The following ROPN1B variants were observed in gnomAD, a reference collection of about 807,000 sequenced individuals.
ROPN1B encodes the protein ropporin-1B.
Under a neutral mutation model 23.7 loss-of-function variants are expected in ROPN1B, and 13 were observed. The ratio of observed to expected loss-of-function variants is 0.55; its 90% CI spans 0.36 to 0.87. ROPN1B has a LOEUF of 0.87. Ranked by LOEUF, ROPN1B falls within the 40% of genes least tolerant of loss-of-function variation. The pLI is 0.01. For missense variants in ROPN1B, 183 were observed against 249.2 expected, an observed-to-expected ratio of 0.73 and a Z score of 1.79; for synonymous variants, 67 against 100.4, an observed-to-expected ratio of 0.67 and a Z score of 1.99.
intron 2 of ROPN1B, 101 bp from the exon 3 acceptor site, chr3:125,971,942 A>G (rs1223155112): frequency 1.1e-5 from 12 of 1,111,118 alleles, no homozygotes; most frequent in Non-Finnish European, 1.4e-5. Flanking sequence ...GGAGTCCCCA[A>G]AATTGAGTGT....
chr3:125,971,436 G>C lies in ROPN1B; in HGVS notation c.-13+274G>C, dbSNP rs188860119. On this transcript the variant is annotated intron_variant, in intron 2 of 6. Coordinates refer to ENST00000514116, the MANE Select transcript of ROPN1B (RefSeq NM_001308313.2). Reference sequence around the variant, plus strand: ...TATATTTTATGGATGTTCATGTTTTGTTTCAATTTGTCCTGGAACTTTTTG... The same window carrying C: ...TATATTTTATGGATGTTCATGTTTTCTTTCAATTTGTCCTGGAACTTTTTG... Among the ~76,000 whole-genome samples, 90 of 152,306 alleles carry C rather than the reference G, an allele frequency of 5.9e-4. 1 individual carries two copies. In the East Asian group the frequency reaches 0.017, roughly 28 times the overall value.
intron 5 of ROPN1B, among the ~76,000 whole-genome samples, chr3:125,978,260 A>AT (rs1423408962): frequency 6.9e-6 from 1 of 145,156 alleles, no homozygotes; most frequent in Admixed American, 6.9e-5. Flanking sequence ...AAACGGGAAG[A>AT]TAAAAAAATG....
rs762223089 is a variant in ROPN1B at position 125,982,336 on chromosome 3, C to T, written c.463C>T (p.Arg155Ter). 2.5e-5 allele frequency: 40 copies of T among 1,613,212 alleles called. No homozygotes were observed. The highest frequency in any genetic ancestry group is 3.2e-5 in the Non-Finnish European group (38 of 1,179,670). ...ATGTGACCACAATGGTGGGTTGCCCCGAATCCCATTCAGCACCTTCCAGTT... is the reference window on the plus strand; with the variant it reads ...ATGTGACCACAATGGTGGGTTGCCCTGAATCCCATTCAGCACCTTCCAGTT... ...LSCDHNGGLP[R>*]IPFSTFQFLY... Residue 155 changes from arginine to a stop codon, truncating the protein, a stop_gained, in exon 6 of 7, where the codon CGA becomes TGA. Coordinates refer to ENST00000514116, the MANE Select transcript of ROPN1B (RefSeq NM_001308313.2). LOFTEE classifies it high-confidence loss of function.
At chr3:125,970,244 A>C (rs1938148522) in intron 1 of ROPN1B, 2 of 152,186 alleles carry the variant, frequency 1.3e-5, no homozygotes, top group African/African-American at 4.8e-5. Flanking sequence ...CAACCTGTTA[A>C]GAGGAGGAGA....
intron 3 of ROPN1B, among the ~76,000 whole-genome samples, chr3:125,974,795 T>G (rs1419691143): frequency 6.6e-6 from 1 of 152,222 alleles, no homozygotes; most frequent in African/African-American, 2.4e-5. Context: ...GAAACAGTTT[T>G]ATTTTACAGG....
chr3:125,981,232 C>T (rs1031805118), intron 5 of ROPN1B, among the ~76,000 whole-genome samples: 1 of 152,186 alleles, frequency 6.6e-6, no homozygotes, highest in Non-Finnish European at 1.5e-5. Context: ...CTGACATAGA[C>T]TTATGCTCCT....
chr3:125,972,173 A>T lies in ROPN1B; in HGVS notation c.116+3A>T, dbSNP rs948116331. ...GACCTCATCCAGTGGGGGGCCGAGT[A>T]CGTGCTCCTTTCTCGCCTTCATCTC... is the stretch of plus-strand genomic sequence containing the variant. On this transcript the variant is annotated splice_donor_region_variant and intron_variant, in intron 3 of 6. Transcript: ENST00000514116. The T allele has an allele frequency of 6.2e-7, 1 of 1,614,144 alleles. No individual in the cohort carries two copies. Among genetic ancestry groups the T allele is most frequent in the Non-Finnish European group, 8.5e-7 (1 of 1,179,972 alleles).
chr3:125,975,105 A>G (rs1333842436), intron 3 of ROPN1B, among the ~76,000 whole-genome samples: 1 of 152,140 alleles, frequency 6.6e-6, no homozygotes, highest in East Asian at 1.9e-4. Context: ...CAGGCTCTGC[A>G]GTTGCCAGAT....
At chr3:125,971,931 C>A (rs1938221729) in intron 2 of ROPN1B, 112 bp from the exon 3 acceptor site, 3 of 893,558 alleles carry the variant, frequency 3.4e-6, no homozygotes, top group Admixed American at 2.9e-5. Context: ...ATTTGTCTTG[C>A]GGAGTCCCCA....
At chr3:125,972,198 C>T (rs939361272) in intron 3 of ROPN1B, 28 bp downstream of exon 3, 1 of 1,609,974 alleles carries the variant, frequency 6.2e-7, no homozygotes, top group East Asian at 2.2e-5. Flanking sequence ...GCCTTCATCT[C>T]TTGGAGGACG....
intron 5 of ROPN1B, among the ~76,000 whole-genome samples, chr3:125,980,346 AGTTT>A (rs1185094678): frequency 6.6e-6 from 1 of 152,216 alleles, no homozygotes; most frequent in Non-Finnish European, 1.5e-5. Context: ...CCCCTATGTT[AGTTT>A]GTTAGGGCTG....
intron 5 of ROPN1B, among the ~76,000 whole-genome samples, chr3:125,980,401 T>C (rs1165387634): frequency 6.6e-6 from 1 of 152,198 alleles, no homozygotes; most frequent in Non-Finnish European, 1.5e-5. Context: ...TTGTTGTCTC[T>C]CAGTTCTGGA....
At position 125,982,257 on chromosome 3, in the gene ROPN1B, G is replaced by A. The variant is rs778804780; in HGVS notation, c.397-13G>A. Reference sequence around the variant, plus strand: ...AAGAGTAACTTTCTCCTCATTTTATGTAACTTTTATAGACTATTACCAAAA... The same window carrying A: ...AAGAGTAACTTTCTCCTCATTTTATATAACTTTTATAGACTATTACCAAAA... On this transcript the variant is annotated splice_polypyrimidine_tract_variant and intron_variant, in intron 5 of 6. Coordinates refer to ENST00000514116, the MANE Select transcript of ROPN1B (RefSeq NM_001308313.2). 21 of 1,574,282 alleles carry A rather than the reference G, an allele frequency of 1.3e-5. No homozygotes were observed. Among genetic ancestry groups the A allele is most frequent in the Non-Finnish European group, 1.5e-5 (17 of 1,164,684 alleles).
At chr3:125,975,541 T>C (rs775503672) in intron 3 of ROPN1B, 22 bp from the exon 4 acceptor site, 1 of 1,598,636 alleles carries the variant, frequency 6.3e-7, no homozygotes, top group Non-Finnish European at 8.5e-7. Context: ...ATCCTCCTAC[T>C]CTCTGACTTT....
intron 6 of ROPN1B, among the ~76,000 whole-genome samples, 177 bp from the exon 7 acceptor site, chr3:125,983,077 G>A (rs577459822): frequency 1.5e-4 from 23 of 152,252 alleles, no homozygotes; most frequent in African/African-American, 4.6e-4. Context: ...GCAGTGAGCC[G>A]AGATTGCATC....
intron 3 of ROPN1B, 66 bp from the exon 4 acceptor site, chr3:125,975,497 T>C (rs763728378): frequency 2.3e-5 from 33 of 1,460,226 alleles, no homozygotes; most frequent in African/African-American, 5.6e-5. Flanking sequence ...GGGGGAAGGA[T>C]TGCTAGAACA....
chr3:125,981,342 A>G (rs922994335), intron 5 of ROPN1B, among the ~76,000 whole-genome samples: 2 of 152,204 alleles, frequency 1.3e-5, no homozygotes, highest in Non-Finnish European at 2.9e-5. Context: ...CTAAGGCAGG[A>G]CAAGTCTCCT....
intron 3 of ROPN1B, chr3:125,973,649 C>T (rs992467163): frequency 6.5e-6 from 1 of 153,576 alleles, no homozygotes; most frequent in Non-Finnish European, 1.5e-5. Context: ...TGCTTGCTCT[C>T]GTATTGTATC....
At chr3:125,982,935 G>A (rs1273357946) in intron 6 of ROPN1B, among the ~76,000 whole-genome samples, 3 of 152,138 alleles carry the variant, frequency 2.0e-5, no homozygotes, top group Non-Finnish European at 4.4e-5. Flanking sequence ...CTTGAGCTCA[G>A]GAGTTCAAGA....
Sources: allele counts gnomAD v4.1 joint callset (sites outside exome capture counted in the v4.1 genomes callset), GRCh38; gene constraint gnomAD v4.1.1; transcripts MANE v1.5; gene names NCBI Gene and HGNC (gene_info 2026-07-23, HGNC 2026-07-21).